SCEL: variants seen among roughly 807,000 people sequenced by gnomAD.
SCEL encodes sciellin.
In SCEL, 113 loss-of-function variants were observed where a neutral mutation model predicts 117.6. That is an observed-to-expected ratio of 0.96 (90% confidence interval 0.83 to 1.12). The LOEUF (loss-of-function observed/expected upper bound fraction) is 1.12. Ranked by LOEUF, SCEL falls within the 50% of genes most tolerant of loss-of-function variation. SCEL has a pLI of 0.00. For synonymous variants in SCEL, 270 were observed against 256.2 expected (o/e 1.05, Z -0.51); for missense variants, 785 against 810.8 (o/e 0.97, Z 0.39).
At chr13:77,543,172 C>T (rs951707545) in intron 1 of SCEL, among the ~76,000 whole-genome samples, 5 of 151,086 alleles carry the variant, frequency 3.3e-5, no homozygotes, top group African/African-American at 1.2e-4. Context: ...CAAGCTCCGC[C>T]TCCCGGGTTC....
intron 4 of SCEL, among the ~76,000 whole-genome samples, chr13:77,561,671 A>G (rs891949198): frequency 6.6e-6 from 1 of 152,258 alleles, no homozygotes; most frequent in African/African-American, 2.4e-5. Context: ...ACCTGAAAAT[A>G]TCCACAAATG....
chr13:77,637,227 TACAC>T (rs754031701), intron 30 of SCEL, 33 bp downstream of exon 30: 1 of 1,065,684 alleles, frequency 9.4e-7, no homozygotes, highest in Non-Finnish European at 1.3e-6. Context: ...ACATAAAAAG[TACAC>T]ACATACAGAC....
chr13:77,641,963 A>G (rs1413414374), intron 31 of SCEL, among the ~76,000 whole-genome samples: 1 of 152,194 alleles, frequency 6.6e-6, no homozygotes, highest in Admixed American at 6.5e-5. Flanking sequence ...AATATATTCA[A>G]TTAAACAAAA....
chr13:77,555,958 A>C lies in SCEL; in HGVS notation c.43+40A>C, dbSNP rs769992927. 14 of 1,552,126 alleles carry C rather than the reference A, an allele frequency of 9.0e-6. No individual in the cohort carries two copies. In the Admixed American group the frequency reaches 1.0e-4, roughly 11 times the overall value. The stretch of plus-strand genomic sequence containing the variant: ...GTTTCTCTCACTCAGAAAACTTTAA[A>C]ATTTTGGAAAAACAACTCACAGATC... On this transcript the variant is annotated intron_variant, in intron 2 of 32. Transcript: ENST00000349847.
At chr13:77,596,496 T>C (rs774656282) in intron 12 of SCEL, among the ~76,000 whole-genome samples, 5 of 152,178 alleles carry the variant, frequency 3.3e-5, no homozygotes, top group Non-Finnish European at 7.3e-5. Context: ...GAGGTGGGTA[T>C]GATTAGTATT....
intron 1 of SCEL, among the ~76,000 whole-genome samples, chr13:77,552,885 A>G (rs2084421114): frequency 6.6e-6 from 1 of 152,144 alleles, no homozygotes; most frequent in African/African-American, 2.4e-5. Flanking sequence ...TAATTTTTGT[A>G]TAAGGTGTAA....
Position 77,610,216 on chromosome 13 carries a change from G to A in SCEL, c.1337+110G>A, listed in dbSNP as rs566879181. 9.7e-6 allele frequency: 6 copies of A among 620,724 alleles called. No individual in the cohort carries two copies. In the South Asian group the frequency reaches 1.4e-4, roughly 14 times the overall value. 38.5% of individuals were successfully genotyped at this position (620,724 alleles called of 1,614,324 possible). On this transcript the variant is annotated intron_variant, in intron 22 of 32. Coordinates refer to ENST00000349847, the MANE Select transcript of SCEL (RefSeq NM_144777.3). ...GCCTGTAATCCCAACAGTTTAGGAGGCCGAGGCGGGAGGATCACAAGGTCA... is the reference window on the plus strand; with the variant it reads ...GCCTGTAATCCCAACAGTTTAGGAGACCGAGGCGGGAGGATCACAAGGTCA...
chr13:77,571,900 C>T (rs1283122836), intron 8 of SCEL, among the ~76,000 whole-genome samples: 1 of 151,986 alleles, frequency 6.6e-6, no homozygotes, highest in African/African-American at 2.4e-5. Context: ...GAGATGTCCA[C>T]GTTACTTAGT....
chr13:77,597,998 C>T (rs2087357396), intron 13 of SCEL, among the ~76,000 whole-genome samples: 2 of 150,236 alleles, frequency 1.3e-5, no homozygotes, highest in South Asian at 4.1e-4. Flanking sequence ...GTCTTACTCT[C>T]TTACCCAGGC....
At chr13:77,543,917 A>G (rs560251380) in intron 1 of SCEL, among the ~76,000 whole-genome samples, 1 of 152,210 alleles carries the variant, frequency 6.6e-6, no homozygotes, top group South Asian at 2.1e-4. Context: ...TAGTTATGTA[A>G]CCTCAGGCAA....
rs114106359 is a variant in SCEL at position 77,594,347 on chromosome 13, C to T, written c.752+774C>T. 4.4e-3 allele frequency among the ~76,000 whole-genome samples: 671 copies of T among 152,302 alleles called. 8 individuals carry two copies. The highest frequency in any genetic ancestry group is 0.015 in the African/African-American group (638 of 41,556). On this transcript the variant is annotated intron_variant, in intron 12 of 32. Coordinates refer to ENST00000349847, the MANE Select transcript of SCEL (RefSeq NM_144777.3). ...TGTTTTCACTCCTATATTTATCCTA[C>T]GTTCATATCAAGGGAAACCATTTTC... is the stretch of plus-strand genomic sequence containing the variant.
intron 29 of SCEL, among the ~76,000 whole-genome samples, chr13:77,635,810 T>C (rs979115189): frequency 1.3e-5 from 2 of 152,166 alleles, no homozygotes; most frequent in Admixed American, 1.3e-4. Context: ...ACAGTAATTC[T>C]CAAAGCATAG....
chr13:77,644,169 T>C, intron 32 of SCEL, 89 bp from the exon 33 acceptor site: 1 of 1,376,542 alleles, frequency 7.3e-7, no homozygotes, highest in Non-Finnish European at 1.0e-6. Flanking sequence ...AATCTACCAC[T>C]ACCCGTTGGG....
chr13:77,603,194 A>AAGCCAAAT, intron 18 of SCEL, 59 bp downstream of exon 18: 1 of 1,137,346 alleles, frequency 8.8e-7, no homozygotes, highest in Non-Finnish European at 1.3e-6. Flanking sequence ...AGAAGATAAA[A>AAGCCAAAT]TAATTTGGCT....
At chr13:77,577,374 G>A (rs1429273393) in intron 9 of SCEL, among the ~76,000 whole-genome samples, 1 of 152,134 alleles carries the variant, frequency 6.6e-6, no homozygotes, top group South Asian at 2.1e-4. Flanking sequence ...TCACAGGGTG[G>A]CAGGATGGAG....
At chr13:77,594,057 C>T (rs899450812) in intron 12 of SCEL, among the ~76,000 whole-genome samples, 1 of 152,092 alleles carries the variant, frequency 6.6e-6, no homozygotes, top group Non-Finnish European at 1.5e-5. Context: ...ACGAATTAAA[C>T]ATCTAAAATG....
intron 28 of SCEL, among the ~76,000 whole-genome samples, 161 bp downstream of exon 28, chr13:77,628,170 G>A (rs202069995): frequency 7.2e-6 from 1 of 139,744 alleles, no homozygotes; most frequent in Non-Finnish European, 1.6e-5. Flanking sequence ...ATATGTGTGT[G>A]TATATATATA....
At chr13:77,575,223 C>T (rs1201979887) in intron 9 of SCEL, among the ~76,000 whole-genome samples, 2 of 152,006 alleles carry the variant, frequency 1.3e-5, no homozygotes, top group Non-Finnish European at 2.9e-5. Flanking sequence ...ATTACAAGCC[C>T]AATGTAAACC....
intron 1 of SCEL, among the ~76,000 whole-genome samples, chr13:77,544,446 CT>C (rs1567331341): frequency 6.6e-6 from 1 of 152,158 alleles, no homozygotes; most frequent in Non-Finnish European, 1.5e-5. Flanking sequence ...TTTTTAAAGT[CT>C]TTATGCTGAG....
Sources: gnomAD v4.1 joint callset for allele counts (sites outside exome capture counted in the v4.1 genomes callset) on GRCh38, gnomAD v4.1.1 for gene constraint, MANE v1.5 for transcripts, NCBI Gene and HGNC (gene_info 2026-07-23, HGNC 2026-07-21) for gene names.